Variants in CENPP observed in about 807,000 individuals in gnomAD.
CENPP encodes centromere protein P.
In CENPP, 24 loss-of-function variants were observed where a neutral mutation model predicts 35.6. The ratio of observed to expected loss-of-function variants is 0.67; its 90% CI spans 0.49 to 0.95. The LOEUF (loss-of-function observed/expected upper bound fraction) is 0.95. Ranked by LOEUF, CENPP falls within the 40% of genes least tolerant of loss-of-function variation. CENPP has a pLI of 0.00. For synonymous variants in CENPP, 120 were observed against 125.5 expected (o/e 0.96, Z 0.29); for missense variants, 332 against 345.3 (o/e 0.96, Z 0.31).
intron 4 of CENPP, among the ~76,000 whole-genome samples, chr9:92,362,942 T>C (rs147307215): frequency 6.6e-6 from 1 of 152,350 alleles, no homozygotes; most frequent in African/African-American, 2.4e-5. Context: ...TGTCCCGGAT[T>C]TGATCAGAGG....
chr9:92,364,728 G>A (rs962129114), intron 4 of CENPP, among the ~76,000 whole-genome samples: 10 of 152,184 alleles, frequency 6.6e-5, no homozygotes, highest in African/African-American at 2.4e-4. Context: ...ATACAATGAT[G>A]AACAAGATAA....
chr9:92,552,233 C>T (rs1849632996), intron 5 of CENPP, among the ~76,000 whole-genome samples: 1 of 150,216 alleles, frequency 6.7e-6, no homozygotes, highest in Non-Finnish European at 1.5e-5. Flanking sequence ...GTTTCTTTAT[C>T]CACTTGTTGA....
chr9:92,475,711 T>C (rs1008921059), intron 5 of CENPP, among the ~76,000 whole-genome samples: 6 of 152,218 alleles, frequency 3.9e-5, no homozygotes, highest in Admixed American at 1.3e-4. Flanking sequence ...CTCACTCTCA[T>C]AGTTGGTCAC....
At chr9:92,556,465 G>C (rs112814111) in intron 5 of CENPP, among the ~76,000 whole-genome samples, 1,753 of 152,204 alleles carry the variant, frequency 0.012, 43 homozygotes, top group African/African-American at 0.04. Flanking sequence ...GTTGCTGTCT[G>C]TCTCATTTCT....
At chr9:92,350,656 T>C (rs1018958224) in intron 4 of CENPP, among the ~76,000 whole-genome samples, 19 of 152,242 alleles carry the variant, frequency 1.2e-4, no homozygotes, top group African/African-American at 4.6e-4. Flanking sequence ...TAATTTCTCC[T>C]CTTTGTAGGC....
chr9:92,388,531 A>G (rs1483107618), intron 5 of CENPP, among the ~76,000 whole-genome samples: 1 of 151,760 alleles, frequency 6.6e-6, no homozygotes, highest in Non-Finnish European at 1.5e-5. Context: ...AATATTTTCA[A>G]ATTACAACTT....
chr9:92,416,032 TATAA>T (rs1159530132), intron 5 of CENPP, among the ~76,000 whole-genome samples: 46 of 130,410 alleles, frequency 3.5e-4, no homozygotes, highest in Admixed American at 1.4e-3. Flanking sequence ...ATTTTTTATA[TATAA>T]ATAAATATAT....
chr9:92,520,875 G>A (rs1848024179), intron 5 of CENPP, among the ~76,000 whole-genome samples: 1 of 152,208 alleles, frequency 6.6e-6, no homozygotes, highest in Admixed American at 6.5e-5. Context: ...CACATATTAT[G>A]TGATTCCATT....
chr9:92,500,437 C>T (rs1588186883), intron 5 of CENPP, among the ~76,000 whole-genome samples: 1 of 152,218 alleles, frequency 6.6e-6, no homozygotes, highest in Non-Finnish European at 1.5e-5. Context: ...CCCGCCTTGG[C>T]GTCCCAAAGT....
At position 92,515,125 on chromosome 9, in the gene CENPP, G is replaced by T; in HGVS notation, c.565-96189G>T. ...CAGTTGCTTATGAAGTAAATTGGTA[G>T]GTTCTCTTTGTTCTGAAGAATCACC... On this transcript the variant is annotated intron_variant, in intron 5 of 7. Coordinates refer to ENST00000375587, the MANE Select transcript of CENPP (RefSeq NM_001012267.3). 1.9e-6 allele frequency: 3 copies of T among 1,613,246 alleles called. No homozygotes were observed. The highest frequency in any genetic ancestry group is 2.5e-6 in the Non-Finnish European group (3 of 1,179,836).
chr9:92,567,899 C>A (rs1223278505), intron 5 of CENPP, among the ~76,000 whole-genome samples: 3 of 150,640 alleles, frequency 2.0e-5, no homozygotes, highest in Admixed American at 6.6e-5. Flanking sequence ...TACAAAAAGC[C>A]AAAAAAACAC....
chr9:92,495,351 G>C lies in CENPP; in HGVS notation c.564+115492G>C, dbSNP rs900007297. Reference sequence around the variant, plus strand: ...AATTTTAATATATGATTTTGGTAGGGCCAATACATAGTAAAGACATAGCTT... The same window carrying C: ...AATTTTAATATATGATTTTGGTAGGCCCAATACATAGTAAAGACATAGCTT... On this transcript the variant is annotated intron_variant, in intron 5 of 7. Transcript: ENST00000375587. The C allele has an allele frequency of 3.1e-6, 3 of 954,802 alleles. No individual in the cohort carries two copies. In the African/African-American group the frequency reaches 5.3e-5, roughly 17 times the overall value. 59.1% of individuals were successfully genotyped at this position (954,802 alleles called of 1,614,324 possible). A position where few individuals can be genotyped will look rare whatever the true frequency, so the allele number is the denominator to read the frequency against.
At chr9:92,379,164 A>T (rs1842189549) in intron 4 of CENPP, among the ~76,000 whole-genome samples, 1 of 152,238 alleles carries the variant, frequency 6.6e-6, no homozygotes, top group African/African-American at 2.4e-5. Context: ...TAATGCATAG[A>T]CGAAGGTCTG....
chr9:92,539,365 C>A (rs1021926733), intron 5 of CENPP, among the ~76,000 whole-genome samples: 2 of 137,020 alleles, frequency 1.5e-5, no homozygotes, highest in East Asian at 5.0e-4. Flanking sequence ...CCCACCCCAA[C>A]CCACTGCCTG....
At chr9:92,364,685 A>G (rs965094057) in intron 4 of CENPP, among the ~76,000 whole-genome samples, 1 of 152,250 alleles carries the variant, frequency 6.6e-6, no homozygotes, top group Admixed American at 6.5e-5. Context: ...TTAAAAGCAT[A>G]TTATGTACTT....
At chr9:92,454,731 C>T (rs528969363) in intron 5 of CENPP, among the ~76,000 whole-genome samples, 1 of 152,270 alleles carries the variant, frequency 6.6e-6, no homozygotes, top group African/African-American at 2.4e-5. Context: ...AGTGTTGTCA[C>T]CCCTACCCTT....
intron 5 of CENPP, among the ~76,000 whole-genome samples, chr9:92,543,337 G>A (rs1471876942): frequency 6.6e-6 from 1 of 151,900 alleles, no homozygotes; most frequent in Non-Finnish European, 1.5e-5. Flanking sequence ...GCTGGGCATG[G>A]TGGTACGTAC....
intron 5 of CENPP, among the ~76,000 whole-genome samples, chr9:92,563,294 C>T (rs1849889695): frequency 6.6e-6 from 1 of 151,888 alleles, no homozygotes; most frequent in African/African-American, 2.4e-5. Context: ...ACCCCACTTA[C>T]CCTGCTACAC....
chr9:92,337,359 AT>A (rs1297918697), intron 2 of CENPP, among the ~76,000 whole-genome samples, 181 bp from the exon 3 acceptor site: 8 of 152,204 alleles, frequency 5.3e-5, no homozygotes, highest in Non-Finnish European at 5.9e-5. Flanking sequence ...GTTATCATTA[AT>A]TTTATTTTGC....
Sources: gnomAD v4.1 joint callset for allele counts (sites outside exome capture counted in the v4.1 genomes callset) on GRCh38, gnomAD v4.1.1 for gene constraint, MANE v1.5 for transcripts, NCBI Gene and HGNC (gene_info 2026-07-23, HGNC 2026-07-21) for gene names.